The following SDK1 variants were observed in gnomAD, a reference collection of about 807,000 sequenced individuals.
SDK1 encodes the protein protein sidekick-1.
In SDK1, 157 loss-of-function variants were observed where a neutral mutation model predicts 245.5. That is an observed-to-expected ratio of 0.64 (90% CI 0.56 to 0.73). The LOEUF (loss-of-function observed/expected upper bound fraction) is 0.73. Ranked by LOEUF, SDK1 falls within the 30% of genes least tolerant of loss-of-function variation. The pLI is 0.00. For synonymous variants in SDK1, 1,647 were observed against 1,278.5 expected, an observed-to-expected ratio of 1.29 and a Z score of -6.15; for missense variants, 3,583 against 3,002.3, an observed-to-expected ratio of 1.19 and a Z score of -4.52.
At chr7:3,438,320 T>C (rs901345567) in intron 1 of SDK1, among the ~76,000 whole-genome samples, 1 of 152,252 alleles carries the variant, frequency 6.6e-6, no homozygotes, top group South Asian at 2.1e-4. Context: ...GTCTCTGCTA[T>C]ATCTATCACC....
intron 35 of SDK1, among the ~76,000 whole-genome samples, chr7:4,204,083 A>G (rs1244486417): frequency 6.6e-6 from 1 of 152,192 alleles, no homozygotes; most frequent in Non-Finnish European, 1.5e-5. Flanking sequence ...CCATCTTTGG[A>G]AAGAAACCCT....
At chr7:3,479,631 A>G (rs1452532485) in intron 1 of SDK1, among the ~76,000 whole-genome samples, 1 of 151,712 alleles carries the variant, frequency 6.6e-6, no homozygotes, top group East Asian at 2.0e-4. Context: ...TGGGAGGTCG[A>G]GGTGGGGGGA....
intron 4 of SDK1, among the ~76,000 whole-genome samples, chr7:3,719,248 T>C (rs1324670311): frequency 6.6e-6 from 1 of 151,758 alleles, no homozygotes; most frequent in African/African-American, 2.4e-5. Context: ...AGAAAGGTTT[T>C]TTTTTTTTTT....
chr7:3,771,678 T>C (rs1318732099), intron 4 of SDK1, among the ~76,000 whole-genome samples: 1 of 152,330 alleles, frequency 6.6e-6, no homozygotes, highest in African/African-American at 2.4e-5. Flanking sequence ...TTTCTTGACA[T>C]GTTTCTGCAT....
rs1778998274 is a variant in SDK1, at chr7:3,539,699, C to T, written c.299-79381C>T. ...TTGAATGACTAAATGAGGCAGCGAT[C>T]ACCATGGCAGTCATCCACATCAGGG... On this transcript the variant is annotated intron_variant, in intron 1 of 44. Coordinates refer to ENST00000404826, the MANE Select transcript of SDK1 (RefSeq NM_152744.4). Among the ~76,000 whole-genome samples the T allele has an allele frequency of 3.9e-5, 6 of 152,352 alleles. 1 individual carries two copies. In the South Asian group the frequency reaches 1.2e-3, roughly 32 times the overall value.
intron 1 of SDK1, among the ~76,000 whole-genome samples, chr7:3,357,475 C>G (rs1010180414): frequency 6.6e-6 from 1 of 151,006 alleles, no homozygotes; most frequent in Non-Finnish European, 1.5e-5. Flanking sequence ...CTCAGTCTCC[C>G]TGGCATCTGG....
chr7:4,195,954 G>A (rs979019294), intron 35 of SDK1, among the ~76,000 whole-genome samples: 6 of 152,166 alleles, frequency 3.9e-5, no homozygotes, highest in African/African-American at 1.4e-4. Context: ...CCACACCCAC[G>A]CATTACATAT....
intron 5 of SDK1, among the ~76,000 whole-genome samples, chr7:3,854,848 G>T (rs549573791): frequency 6.6e-6 from 1 of 152,142 alleles, no homozygotes; most frequent in Non-Finnish European, 1.5e-5. Flanking sequence ...ATGAGGAATC[G>T]CTATAGAGAA....
chr7:3,577,574 C>T (rs962771690), intron 1 of SDK1, among the ~76,000 whole-genome samples: 1 of 152,056 alleles, frequency 6.6e-6, no homozygotes, highest in Non-Finnish European at 1.5e-5. Context: ...GATGGAACCT[C>T]CCTCCAGGTA....
intron 5 of SDK1, among the ~76,000 whole-genome samples, chr7:3,943,264 G>C (rs1780436133): frequency 8.0e-6 from 1 of 125,658 alleles, no homozygotes; most frequent in Non-Finnish European, 1.7e-5. Context: ...ACTGTGCTCA[G>C]AGCCCTGAGG....
chr7:3,809,352 C>T (rs1051711407), intron 4 of SDK1, among the ~76,000 whole-genome samples: 1 of 152,066 alleles, frequency 6.6e-6, no homozygotes, highest in African/African-American at 2.4e-5. Flanking sequence ...CCCACCAGGC[C>T]CCACCTCCCA....
At chr7:3,809,733 CAT>C (rs1407886213) in intron 4 of SDK1, among the ~76,000 whole-genome samples, 26 of 152,308 alleles carry the variant, frequency 1.7e-4, no homozygotes, top group Admixed American at 1.3e-3. Context: ...GCCACGAAGA[CAT>C]AATCCTCTGC....
intron 4 of SDK1, among the ~76,000 whole-genome samples, chr7:3,684,252 A>C (rs1201736889): frequency 6.6e-6 from 1 of 152,212 alleles, no homozygotes; most frequent in East Asian, 1.9e-4. Context: ...TTAACTATTA[A>C]GCATCACCCC....
chr7:3,528,860 T>C (rs962619502), intron 1 of SDK1, among the ~76,000 whole-genome samples: 5 of 152,082 alleles, frequency 3.3e-5, no homozygotes, highest in African/African-American at 1.2e-4. Flanking sequence ...ATGAGCCCCA[T>C]TTGGGCTTTT....
chr7:3,705,590 T>C (rs1351253206), intron 4 of SDK1, among the ~76,000 whole-genome samples: 1 of 152,048 alleles, frequency 6.6e-6, no homozygotes, highest in Non-Finnish European at 1.5e-5. Flanking sequence ...TACTGATTGG[T>C]ATACATTGAT....
chr7:3,332,946 A>G (rs1780105939), intron 1 of SDK1, among the ~76,000 whole-genome samples: 4 of 152,200 alleles, frequency 2.6e-5, no homozygotes. Flanking sequence ...ATTGAAGGCT[A>G]AGTTGAGCCT....
intron 1 of SDK1, among the ~76,000 whole-genome samples, chr7:3,421,714 CT>C (rs1470921695): frequency 6.6e-6 from 1 of 152,140 alleles, no homozygotes; most frequent in Non-Finnish European, 1.5e-5. Flanking sequence ...GGATCACATT[CT>C]TTGGGCTTGA....
intron 20 of SDK1, among the ~76,000 whole-genome samples, chr7:4,072,667 G>T (rs1159015107): frequency 6.6e-6 from 1 of 152,230 alleles, no homozygotes; most frequent in Non-Finnish European, 1.5e-5. Context: ...GGAAGTGTTG[G>T]TGCGGCACCA....
intron 4 of SDK1, among the ~76,000 whole-genome samples, chr7:3,744,831 AAAAAAC>A (rs1302343347): frequency 1.3e-5 from 2 of 152,070 alleles, no homozygotes; most frequent in Non-Finnish European, 2.9e-5. Flanking sequence ...AACAAACAAA[AAAAAAC>A]AAAAAGAAAA....
Sources: gnomAD v4.1 joint callset for allele counts (sites outside exome capture counted in the v4.1 genomes callset) on GRCh38, gnomAD v4.1.1 for gene constraint, MANE v1.5 for transcripts, NCBI Gene and HGNC (gene_info 2026-07-23, HGNC 2026-07-21) for gene names.